Variants in IMMP2L observed in about 807,000 individuals in gnomAD.
IMMP2L encodes mitochondrial inner membrane protease subunit 2.
In IMMP2L, 18 loss-of-function variants were observed where a neutral mutation model predicts 19.3. The observed-to-expected ratio is 0.93, with a 90% CI of 0.64 to 1.38. IMMP2L has a LOEUF of 1.38. IMMP2L is among the 40% of genes most tolerant of loss of function. The pLI, the probability that IMMP2L is intolerant of heterozygous loss-of-function variation, is 0.00. For synonymous variants in IMMP2L, 76 were observed against 73.0 expected, an observed-to-expected ratio of 1.04 and a Z score of -0.21; for missense variants, 233 against 218.2, an observed-to-expected ratio of 1.07 and a Z score of -0.43.
At chr7:110,773,213 C>T (rs1799153876) in intron 5 of IMMP2L, among the ~76,000 whole-genome samples, 1 of 151,978 alleles carries the variant, frequency 6.6e-6, no homozygotes, top group East Asian at 1.9e-4. Flanking sequence ...AGGGTGTAAA[C>T]AAATGAAATG....
intron 3 of IMMP2L, among the ~76,000 whole-genome samples, chr7:111,476,032 TC>T (rs1841692302): frequency 6.6e-6 from 1 of 152,186 alleles, no homozygotes; most frequent in Non-Finnish European, 1.5e-5. Flanking sequence ...ATGTTGAACT[TC>T]CTAACAATTC....
At chr7:110,832,412 C>T (rs1804055105) in intron 5 of IMMP2L, among the ~76,000 whole-genome samples, 1 of 152,120 alleles carries the variant, frequency 6.6e-6, no homozygotes, top group Non-Finnish European at 1.5e-5. Flanking sequence ...CAGGACGTCC[C>T]AGTATGTGAC....
At chr7:111,462,748 G>A (rs187322256) in intron 3 of IMMP2L, among the ~76,000 whole-genome samples, 24 of 152,136 alleles carry the variant, frequency 1.6e-4, no homozygotes, top group Admixed American at 1.4e-3. Flanking sequence ...AATACAGTTC[G>A]TCTATAGGGC....
intron 3 of IMMP2L, among the ~76,000 whole-genome samples, chr7:111,263,626 T>G (rs1817547386): frequency 6.6e-6 from 1 of 152,048 alleles, no homozygotes; most frequent in African/African-American, 2.4e-5. Flanking sequence ...CATCAGCATA[T>G]CAATGGTATT....
intron 2 of IMMP2L, among the ~76,000 whole-genome samples, chr7:111,495,546 C>A (rs528265573): frequency 6.6e-6 from 1 of 152,038 alleles, no homozygotes; most frequent in Non-Finnish European, 1.5e-5. Context: ...GTCAAGGTAT[C>A]CTAAATCCTC....
At chr7:111,193,570 G>C (rs1809139374) in intron 3 of IMMP2L, among the ~76,000 whole-genome samples, 2 of 152,162 alleles carry the variant, frequency 1.3e-5, no homozygotes, top group South Asian at 4.1e-4. Flanking sequence ...TCCCAAGAGT[G>C]ATTATTTGGG....
intron 3 of IMMP2L, among the ~76,000 whole-genome samples, chr7:111,083,097 G>A (rs918420382): frequency 2.0e-5 from 3 of 152,086 alleles, no homozygotes; most frequent in Non-Finnish European, 4.4e-5. Context: ...TAGTAAAGTA[G>A]TTTCATGTAT....
rs563631376 is a variant in IMMP2L, at chr7:110,852,381, A to C, written c.408+34212T>G. 1.9e-4 allele frequency among the ~76,000 whole-genome samples: 29 copies of C among 152,218 alleles called. No individual in the cohort carries two copies. The South Asian group carries it at 3.9e-3, about 21-fold the overall frequency. ...ATACAGTTCATTACTCACAGCAAGAACAACACCTTGCATGAGTTTTCTAAG... is the reference window on the plus strand; with the variant it reads ...ATACAGTTCATTACTCACAGCAAGACCAACACCTTGCATGAGTTTTCTAAG... On this transcript the variant is annotated intron_variant, in intron 5 of 5. Coordinates refer to ENST00000405709, the MANE Select transcript of IMMP2L (RefSeq NM_032549.4).
chr7:111,442,969 C>T (rs1837898389), intron 3 of IMMP2L, among the ~76,000 whole-genome samples: 1 of 152,004 alleles, frequency 6.6e-6, no homozygotes, highest in South Asian at 2.1e-4. Context: ...AAGTGGAACA[C>T]AGGCCTCATA....
chr7:111,525,969 G>A (rs1027571617), intron 1 of IMMP2L, among the ~76,000 whole-genome samples: 6 of 152,010 alleles, frequency 3.9e-5, no homozygotes, highest in Non-Finnish European at 1.5e-5. Flanking sequence ...ATCAAGGAAG[G>A]CCTGCCCCAC....
At chr7:111,526,887 C>T (rs765758559) in intron 1 of IMMP2L, among the ~76,000 whole-genome samples, 3 of 152,100 alleles carry the variant, frequency 2.0e-5, no homozygotes, top group Non-Finnish European at 4.4e-5. Context: ...GATGCCACAG[C>T]TATCTTAGTT....
chr7:111,554,459 C>T (rs1269488546), intron 1 of IMMP2L, among the ~76,000 whole-genome samples: 3 of 152,066 alleles, frequency 2.0e-5, no homozygotes, highest in Admixed American at 6.6e-5. Flanking sequence ...TCTTACTCCC[C>T]GAACCTCACC....
intron 3 of IMMP2L, among the ~76,000 whole-genome samples, chr7:111,319,004 T>C (rs1382024687): frequency 6.6e-6 from 1 of 152,102 alleles, no homozygotes; most frequent in African/African-American, 2.4e-5. Flanking sequence ...TGTCCACACA[T>C]CACAATGACC....
chr7:110,898,386 A>G (rs765082596), intron 4 of IMMP2L, among the ~76,000 whole-genome samples: 9 of 152,118 alleles, frequency 5.9e-5, no homozygotes, highest in Non-Finnish European at 1.2e-4. Flanking sequence ...AAGTTCATGG[A>G]AATATCCTTC....
intron 2 of IMMP2L, among the ~76,000 whole-genome samples, chr7:111,501,115 G>A (rs1585381043): frequency 6.6e-6 from 1 of 152,252 alleles, no homozygotes; most frequent in Middle Eastern, 3.4e-3. Flanking sequence ...AACCAATGCA[G>A]AGAAGTCCTT....
intron 3 of IMMP2L, among the ~76,000 whole-genome samples, chr7:110,974,327 T>C (rs1820469709): frequency 1.3e-5 from 2 of 152,106 alleles, no homozygotes; most frequent in African/African-American, 2.4e-5. Flanking sequence ...GTATGAAATA[T>C]GTGGGATCTA....
intron 3 of IMMP2L, among the ~76,000 whole-genome samples, chr7:111,436,635 A>C (rs1837201139): frequency 6.6e-6 from 1 of 151,956 alleles, no homozygotes; most frequent in South Asian, 2.1e-4. Flanking sequence ...TAAATATTTT[A>C]TTATACTTGT....
intron 3 of IMMP2L, chr7:111,122,784 G>A (rs372209557): frequency 6.2e-7 from 1 of 1,612,252 alleles, no homozygotes; most frequent in African/African-American, 1.3e-5. Flanking sequence ...TGAAGGACAT[G>A]CCACTCCGAA....
At chr7:110,704,907 T>C (rs901489089) in intron 5 of IMMP2L, among the ~76,000 whole-genome samples, 3 of 152,276 alleles carry the variant, frequency 2.0e-5, no homozygotes, top group East Asian at 3.9e-4. Context: ...ATATGCCAAA[T>C]CTAAGAAAAC....
Sources: allele counts gnomAD v4.1 joint callset (sites outside exome capture counted in the v4.1 genomes callset), GRCh38; gene constraint gnomAD v4.1.1; transcripts MANE v1.5; gene names NCBI Gene and HGNC (gene_info 2026-07-23, HGNC 2026-07-21).